Variants in CADM1 observed in about 807,000 individuals in gnomAD.
CADM1 encodes the protein TSLC-1.
CADM1 carries 15 observed loss-of-function variants against 53.1 expected under a neutral mutation model. The observed-to-expected ratio is 0.28, with a 90% CI of 0.19 to 0.44. CADM1 has a LOEUF of 0.44. Ranked by LOEUF, CADM1 falls within the 20% of genes least tolerant of loss-of-function variation. The pLI is 1.00. For missense variants in CADM1, 434 were observed against 611.3 expected (o/e 0.71, Z 3.06); for synonymous variants, 281 against 243.0 (o/e 1.16, Z -1.45).
intron 1 of CADM1, among the ~76,000 whole-genome samples, chr11:115,419,861 G>T (rs1490487944): frequency 2.0e-5 from 3 of 152,106 alleles, no homozygotes; most frequent in Non-Finnish European, 4.4e-5. Flanking sequence ...ACACATTTTT[G>T]TCCTTAGCCA....
At chr11:115,277,944 C>T (rs1042540854) in intron 1 of CADM1, among the ~76,000 whole-genome samples, 4 of 152,250 alleles carry the variant, frequency 2.6e-5, no homozygotes, top group African/African-American at 9.6e-5. Context: ...GATTCATCCT[C>T]ATCCTCAGTT....
chr11:115,355,612 TA>T (rs552073797), intron 1 of CADM1, among the ~76,000 whole-genome samples: 3 of 150,952 alleles, frequency 2.0e-5, no homozygotes, highest in Admixed American at 6.6e-5. Context: ...CCTCTGACCC[TA>T]AAAAAAAGGT....
chr11:115,347,419 G>T (rs1945609675), intron 1 of CADM1, among the ~76,000 whole-genome samples: 1 of 152,140 alleles, frequency 6.6e-6, no homozygotes, highest in African/African-American at 2.4e-5. Flanking sequence ...AATTTGGCAG[G>T]TCCATTTTAA....
At chr11:115,391,883 G>A (rs905948666) in intron 1 of CADM1, among the ~76,000 whole-genome samples, 12 of 152,128 alleles carry the variant, frequency 7.9e-5, no homozygotes, top group Non-Finnish European at 1.3e-4. Flanking sequence ...GTGTACAGCA[G>A]GGCTCTGGAC....
At chr11:115,190,981 G>A (rs765100602) in intron 9 of CADM1, 40 bp from the exon 10 acceptor site, 12 of 1,521,126 alleles carry the variant, frequency 7.9e-6, no homozygotes, top group Middle Eastern at 3.4e-4. Flanking sequence ...TTCATTCCTC[G>A]AGGGACATAA....
chr11:115,285,078 T>C (rs773125798), intron 1 of CADM1, among the ~76,000 whole-genome samples: 3 of 152,192 alleles, frequency 2.0e-5, no homozygotes, highest in Non-Finnish European at 4.4e-5. Context: ...TGGTGGTTCT[T>C]AAATGCTCAC....
At chr11:115,448,193 T>A (rs2135341978) in intron 1 of CADM1, among the ~76,000 whole-genome samples, 1 of 152,296 alleles carries the variant, frequency 6.6e-6, no homozygotes, top group East Asian at 1.9e-4. Flanking sequence ...CTCATCCCTA[T>A]TCTTAAAAGG....
At chr11:115,225,922 C>T (rs755605111) in intron 5 of CADM1, among the ~76,000 whole-genome samples, 5 of 151,964 alleles carry the variant, frequency 3.3e-5, no homozygotes, top group African/African-American at 9.7e-5. Context: ...AGAGAGGTTT[C>T]CATAAACCTT....
chr11:115,315,479 T>C (rs757855986), intron 1 of CADM1, among the ~76,000 whole-genome samples: 1 of 152,176 alleles, frequency 6.6e-6, no homozygotes, highest in Admixed American at 6.6e-5. Flanking sequence ...GAACAGATTC[T>C]GTTTTACTTG....
At position 115,176,311 on chromosome 11, in the gene CADM1, C is replaced by A. The variant is rs867847268; in HGVS notation, c.*163G>T. The A allele has an allele frequency of 6.7e-7, 1 of 1,481,758 alleles. No homozygotes were observed. The allele number at this position is 1,481,758 out of a possible 1,614,324, so 91.8% of individuals were successfully genotyped here. On this transcript the variant is annotated 3_prime_UTR_variant, in exon 12 of 12. Coordinates refer to ENST00000331581, the MANE Select transcript of CADM1 (RefSeq NM_001301043.2). ...ACAGCAGAGTGTACTTTCCAAAGAA[C>A]ATTTTTTTTTTTTTTACACAGCAAA...
At chr11:115,218,452 A>G (rs998014870) in intron 5 of CADM1, among the ~76,000 whole-genome samples, 6 of 152,330 alleles carry the variant, frequency 3.9e-5, no homozygotes, top group South Asian at 2.1e-4. Context: ...CAAATGAGAA[A>G]GGCAGACTGA....
intron 1 of CADM1, among the ~76,000 whole-genome samples, chr11:115,272,401 T>A (rs971488172): frequency 1.3e-5 from 2 of 152,110 alleles, no homozygotes; most frequent in Non-Finnish European, 2.9e-5. Flanking sequence ...TTTATTCAGG[T>A]GTATATAAAA....
At chr11:115,353,129 A>T (rs1210424884) in intron 1 of CADM1, among the ~76,000 whole-genome samples, 1 of 152,208 alleles carries the variant, frequency 6.6e-6, no homozygotes, top group Non-Finnish European at 1.5e-5. Flanking sequence ...CTTCTACAAG[A>T]TGTAGAGAAG....
At chr11:115,451,933 C>T (rs1948580885) in intron 1 of CADM1, among the ~76,000 whole-genome samples, 1 of 151,684 alleles carries the variant, frequency 6.6e-6, no homozygotes, top group African/African-American at 2.4e-5. Context: ...AAAAAAAAAA[C>T]TTTTTGGAAA....
intron 1 of CADM1, among the ~76,000 whole-genome samples, chr11:115,335,017 G>C (rs1473504795): frequency 1.3e-5 from 2 of 152,006 alleles, no homozygotes; most frequent in African/African-American, 4.8e-5. Flanking sequence ...TTTCCAACAA[G>C]TAGTCATTAG....
rs1297731427 is a variant in CADM1, at chr11:115,227,114, C to T, written c.721+1999G>A. On this transcript the variant is annotated intron_variant, in intron 5 of 11. Coordinates refer to ENST00000331581, the MANE Select transcript of CADM1 (RefSeq NM_001301043.2). ...GATTTTCTTGGATAAAAAACAGAGT[C>T]TCCCACAAAAAGGTGCCATATTAGA... 4.6e-5 allele frequency among the ~76,000 whole-genome samples: 7 copies of T among 152,190 alleles called. No individual in the cohort carries two copies. In the East Asian group the frequency reaches 5.8e-4, roughly 13 times the overall value.
chr11:115,391,027 G>A (rs1274806284), intron 1 of CADM1, among the ~76,000 whole-genome samples: 1 of 152,166 alleles, frequency 6.6e-6, no homozygotes, highest in Non-Finnish European at 1.5e-5. Context: ...CGATAGCAAA[G>A]CAATAGAAAT....
intron 1 of CADM1, among the ~76,000 whole-genome samples, chr11:115,295,734 G>A (rs915788156): frequency 6.6e-6 from 1 of 151,442 alleles, no homozygotes; most frequent in Non-Finnish European, 1.5e-5. Context: ...ATTTCTCATA[G>A]AATTACTCTC....
At chr11:115,463,150 G>A (rs1948830231) in intron 1 of CADM1, among the ~76,000 whole-genome samples, 1 of 152,002 alleles carries the variant, frequency 6.6e-6, no homozygotes, top group Admixed American at 6.6e-5. Flanking sequence ...GTTATTTCTG[G>A]GGACTCACCA....
Sources: allele counts gnomAD v4.1 joint callset (sites outside exome capture counted in the v4.1 genomes callset), GRCh38; gene constraint gnomAD v4.1.1; transcripts MANE v1.5; gene names NCBI Gene and HGNC (gene_info 2026-07-23, HGNC 2026-07-21).